The following POLE variants were observed in gnomAD, a reference collection of about 807,000 sequenced individuals.
POLE encodes DNA polymerase epsilon catalytic subunit A.
In POLE, 188 loss-of-function variants were observed where a neutral mutation model predicts 279.2. The ratio of observed to expected loss-of-function variants is 0.67; its 90% confidence interval spans 0.60 to 0.76. The LOEUF is 0.76. Among genes scored for constraint, POLE ranks in the 30% least tolerant of loss-of-function variants. The probability of loss-of-function intolerance (pLI) is 0.00; values close to 1 mark genes in which losing one functional copy is unlikely to be tolerated. For synonymous variants in POLE, 1,214 were observed against 1,172.5 expected, an observed-to-expected ratio of 1.04 and a Z score of -0.72; for missense variants, 2,703 against 3,016.7, an observed-to-expected ratio of 0.90 and a Z score of 2.44.
In POLE at chr12:132,676,596, C is replaced by G. The variant is rs2136015856; in HGVS notation, c.859G>C (p.Asp287His). Reference protein sequence around the residue: ...ETTKLPLKFPDAETDQIMMIS... With the variant: ...ETTKLPLKFPHAETDQIMMIS... ...ATCATAATCTGGTCTGTCTCAGCATCAGGAAACTTGAGGGGCAGTTTGGTC... is the reference window on the plus strand; with the variant it reads ...ATCATAATCTGGTCTGTCTCAGCATGAGGAAACTTGAGGGGCAGTTTGGTC... The change falls in exon 9 of 49, where the codon GAT becomes CAT. Residue 287 changes from aspartate (D) to histidine (H), a missense_variant. This residue lies in a region of POLE where 1,011 missense variants were observed against 1,111.7 expected (regional missense o/e 0.91). Transcript: ENST00000320574. 1 of 1,614,102 alleles carries G rather than the reference C, an allele frequency of 6.2e-7. No individual in the cohort carries two copies. The highest frequency in any genetic ancestry group is 8.5e-7 in the Non-Finnish European group (1 of 1,179,964).
At position 132,624,712 on chromosome 12, in the gene POLE, T is replaced by G. The variant is rs1369939692; in HGVS notation, c.6846A>C (p.Pro2282=). The G allele has an allele frequency of 1.2e-6, 2 of 1,609,830 alleles. No individual in the cohort carries two copies. Among genetic ancestry groups the G allele is most frequent in the African/African-American group, 1.3e-5 (1 of 74,806 alleles). Residue 2282 remains proline (P), a synonymous_variant, in exon 49 of 49, where the codon CCA becomes CCC. Transcript: ENST00000320574. The stretch of plus-strand genomic sequence containing the variant: ...CCGGGGCTGGCTAATGGCCCAGCTG[T>G]GGGTTCTTCTGCAGCAGCCACTCCA... ...ETLEWLLQKN[P]QLGH
At chr12:132,686,038 G>C (rs992437009) in intron 1 of POLE, among the ~76,000 whole-genome samples, 4 of 151,946 alleles carry the variant, frequency 2.6e-5, no homozygotes. Flanking sequence ...ACCACGCCCC[G>C]CTAATTTTGT....
rs751257970 is a variant in POLE at position 132,649,087 on chromosome 12, G to A, written c.4006-15C>T. The A allele has an allele frequency of 1.3e-5, 21 of 1,608,708 alleles. No homozygotes were observed. Among genetic ancestry groups the A allele is most frequent in the South Asian group, 6.6e-5 (6 of 90,728 alleles). ...GTCTCGCTGATCTGAAAGGCCACAC[G>A]GACATACAGCACATCACAGGACACA... On this transcript the variant is annotated splice_polypyrimidine_tract_variant and intron_variant, in intron 31 of 48. Coordinates refer to ENST00000320574, the MANE Select transcript of POLE (RefSeq NM_006231.4).
At position 132,657,127 on chromosome 12, in the gene POLE, C is replaced by T. The variant is rs1057524057; in HGVS notation, c.3582+9G>A. The T allele has an allele frequency of 1.2e-6, 2 of 1,613,852 alleles. No homozygotes were observed. The highest frequency in any genetic ancestry group is 1.7e-6 in the Non-Finnish European group (2 of 1,179,912). On this transcript the variant is annotated intron_variant, in intron 29 of 48. Coordinates refer to ENST00000320574, the MANE Select transcript of POLE (RefSeq NM_006231.4). ...CCCGCCCAGCCCAGCCTTGGGGCCCCACCGTCACCTGTCTCCTGCCCTCCA... is the reference window on the plus strand; with the variant it reads ...CCCGCCCAGCCCAGCCTTGGGGCCCTACCGTCACCTGTCTCCTGCCCTCCA...
chr12:132,673,832 A>C, intron 12 of POLE, 125 bp from the exon 13 acceptor site: 3 of 1,060,930 alleles, frequency 2.8e-6, no homozygotes, highest in Non-Finnish European at 4.2e-6. Context: ...CAGGAGCCTC[A>C]CACCAAGGCC....
At chr12:132,628,087 T>G (rs1362737829) in intron 45 of POLE, among the ~76,000 whole-genome samples, 1 of 152,248 alleles carries the variant, frequency 6.6e-6, no homozygotes, top group Non-Finnish European at 1.5e-5. Flanking sequence ...CTCACGCCTG[T>G]AATCCCAGCA....
At chr12:132,629,976 T>C (rs1231518583) in intron 45 of POLE, among the ~76,000 whole-genome samples, 1 of 152,172 alleles carries the variant, frequency 6.6e-6, no homozygotes, top group Admixed American at 6.5e-5. Context: ...TCTATAGTGT[T>C]GTGTCACCGG....
chr12:132,629,561 C>T (rs146415815), intron 45 of POLE, among the ~76,000 whole-genome samples: 1 of 152,344 alleles, frequency 6.6e-6, no homozygotes, highest in East Asian at 1.9e-4. Flanking sequence ...ATGAACCAAC[C>T]TCCGCCAGCT....
At position 132,661,251 on chromosome 12, in the gene POLE, T is replaced by A; in HGVS notation, c.2865-87A>T. 1 of 1,267,934 alleles carries A rather than the reference T, an allele frequency of 7.9e-7. No individual in the cohort carries two copies. The highest frequency in any genetic ancestry group is 1.1e-6 in the Non-Finnish European group (1 of 916,188). The allele number at this position is 1,267,934 out of a possible 1,614,324, so 78.5% of individuals were successfully genotyped here. A position where few individuals can be genotyped will look rare whatever the true frequency, so the allele number is the denominator to read the frequency against. On this transcript the variant is annotated intron_variant, in intron 24 of 48. Transcript: ENST00000320574. The surrounding 1 kb of genome is among the most constrained non-coding windows in gnomAD (Gnocchi z 4.1). ...TGCCTCATCCTCTCTGCCCGCCTCT[T>A]CCCTTTCCAACCCTCCACCTGTCAT...
At chr12:132,629,737 T>C (rs980954256) in intron 45 of POLE, among the ~76,000 whole-genome samples, 2 of 152,260 alleles carry the variant, frequency 1.3e-5, no homozygotes, top group Admixed American at 6.5e-5. Context: ...CACTTCTTTA[T>C]CTTTCATGTG....
rs994304153 is a variant in POLE, at chr12:132,675,934, C to T, written c.1021-114G>A. On this transcript the variant is annotated intron_variant, in intron 10 of 48. Coordinates refer to ENST00000320574, the MANE Select transcript of POLE (RefSeq NM_006231.4). This position sits in a 1 kb window ranked among gnomAD's most constrained non-coding sequence, Gnocchi z 4.3. ...CTCATGTTGGCCCTTATTCCTGCCC[C>T]GCCCCTCCGCCCGTCTCTGGCAGAA... 2.5e-5 allele frequency: 24 copies of T among 958,472 alleles called. No individual in the cohort carries two copies. The highest frequency in any genetic ancestry group is 4.0e-5 in the Admixed American group (2 of 49,664). The allele number at this position is 958,472 out of a possible 1,614,324, so 59.4% of individuals were successfully genotyped here. A position where few individuals can be genotyped will look rare whatever the true frequency, so the allele number is the denominator to read the frequency against.
chr12:132,673,732 C>A (rs1162556167), intron 12 of POLE, 25 bp from the exon 13 acceptor site: 3 of 1,611,936 alleles, frequency 1.9e-6, no homozygotes, highest in East Asian at 4.5e-5. Flanking sequence ...AGAACAGAAG[C>A]CAGGATGATT....
chr12:132,642,663 C>T lies in POLE; in HGVS notation c.4795G>A (p.Glu1599Lys). The change falls in exon 37 of 49, where the codon GAA (glutamate) becomes AAA (lysine). Residue 1599 changes from glutamate to lysine, a missense_variant. Physicochemically the swap from Glu to Lys is moderately conservative, Grantham distance 56. Transcript: ENST00000320574. ...SSWELKRLAS[E>K]IPVLEEFPLV... ...GGGAATTCCTCCAAGACAGGAATTTCACTGGCCAGCCTCTTCAGCTCCCAG... is the reference window on the plus strand; with the variant it reads ...GGGAATTCCTCCAAGACAGGAATTTTACTGGCCAGCCTCTTCAGCTCCCAG... 1 of 1,613,396 alleles carries T rather than the reference C, an allele frequency of 6.2e-7. No homozygotes were observed. Among genetic ancestry groups the T allele is most frequent in the South Asian group, 1.1e-5 (1 of 91,086 alleles).
chr12:132,635,755 G>A, intron 42 of POLE, 137 bp downstream of exon 42: 1 of 823,636 alleles, frequency 1.2e-6, no homozygotes, highest in Non-Finnish European at 1.9e-6. Flanking sequence ...CCCTCCCCGT[G>A]TTCATGAGGG....
chr12:132,678,239 G>C (rs1565978659), intron 6 of POLE, among the ~76,000 whole-genome samples: 1 of 150,648 alleles, frequency 6.6e-6, no homozygotes, highest in Non-Finnish European at 1.5e-5. Context: ...AGTGTAAGAT[G>C]TATTCATTTT....
chr12:132,660,711 G>A (rs1269089946), intron 25 of POLE: 2 of 312,536 alleles, frequency 6.4e-6, no homozygotes, highest in Non-Finnish European at 1.2e-5. Context: ...CAAGTAGCTG[G>A]GACCACAGGC....
At chr12:132,672,888 G>T in intron 14 of POLE, 49 bp from the exon 15 acceptor site, 2 of 1,525,038 alleles carry the variant, frequency 1.3e-6, no homozygotes, top group South Asian at 2.3e-5. Flanking sequence ...CAAAGGCCCT[G>T]ACTTGCAGGC....
chr12:132,633,404 C>G (rs2138468936), intron 43 of POLE: 1 of 152,454 alleles, frequency 6.6e-6, no homozygotes, highest in Non-Finnish European at 1.5e-5. Context: ...CTCACGTGAT[C>G]CACCCGCCTC....
chr12:132,649,145 A>T (rs1013341002), intron 31 of POLE, 73 bp from the exon 32 acceptor site: 2 of 1,555,998 alleles, frequency 1.3e-6, no homozygotes, highest in African/African-American at 1.4e-5. Flanking sequence ...CCTTCCAGGT[A>T]GCTTGCAGCT....
Sources: gnomAD v4.1 joint callset for allele counts (sites outside exome capture counted in the v4.1 genomes callset) on GRCh38, gnomAD v4.1.1 for gene constraint, gnomAD v4.1.1 regional missense constraint, Gnocchi (gnomAD v3.1) non-coding constraint, MANE v1.5 for transcripts, NCBI Gene and HGNC (gene_info 2026-07-23, HGNC 2026-07-21) for gene names.